The following FARP1 variants were observed in gnomAD, a reference collection of about 807,000 sequenced individuals.
FARP1 encodes the protein FERM, ARH/RhoGEF and pleckstrin domain protein 1.
Under a neutral mutation model 128.8 loss-of-function variants are expected in FARP1, and 52 were observed. The ratio of observed to expected loss-of-function variants is 0.40; its 90% CI spans 0.32 to 0.51. The LOEUF is 0.51. Among genes scored for constraint, FARP1 ranks in the 20% least tolerant of loss-of-function variants. The pLI is 0.45. For synonymous variants in FARP1, 580 were observed against 551.8 expected (o/e 1.05, Z -0.72); for missense variants, 1,333 against 1,367.9 (o/e 0.97, Z 0.40).
intron 18 of FARP1, chr13:98,434,221 CG>C (rs1398683611): frequency 6.6e-6 from 1 of 152,100 alleles, no homozygotes; most frequent in Non-Finnish European, 1.5e-5. Context: ...CACCGGGGGC[CG>C]GGGTGCCATC....
At chr13:98,442,385 G>A (rs1892561058) in intron 24 of FARP1, among the ~76,000 whole-genome samples, 1 of 152,222 alleles carries the variant, frequency 6.6e-6, no homozygotes, top group African/African-American at 2.4e-5. Flanking sequence ...TGAGTTTCCT[G>A]CTACAAGCCG....
chr13:98,361,647 C>T (rs555297524), intron 3 of FARP1, among the ~76,000 whole-genome samples: 1 of 152,272 alleles, frequency 6.6e-6, no homozygotes, highest in African/African-American at 2.4e-5. Context: ...ATCCTCCAGC[C>T]CTCTGATTTT....
At chr13:98,223,726 A>G (rs948916717) in intron 2 of FARP1, among the ~76,000 whole-genome samples, 2 of 152,252 alleles carry the variant, frequency 1.3e-5, no homozygotes, top group African/African-American at 4.8e-5. Flanking sequence ...AACTGGAAGT[A>G]ACAAATGGAA....
At chr13:98,427,139 C>T (rs1243339005) in intron 17 of FARP1, among the ~76,000 whole-genome samples, 1 of 151,926 alleles carries the variant, frequency 6.6e-6, no homozygotes, top group East Asian at 1.9e-4. Context: ...GAACAGTTTC[C>T]CTGCCCTAAA....
At chr13:98,159,054 CA>C (rs1287301173) in intron 1 of FARP1, among the ~76,000 whole-genome samples, 2 of 152,122 alleles carry the variant, frequency 1.3e-5, no homozygotes, top group African/African-American at 4.8e-5. Flanking sequence ...GGTGATCTGC[CA>C]AAACCCATTT....
chr13:98,265,875 C>A (rs956384761), intron 2 of FARP1, among the ~76,000 whole-genome samples: 3 of 152,100 alleles, frequency 2.0e-5, no homozygotes, highest in Non-Finnish European at 4.4e-5. Context: ...ATAAGTGCCA[C>A]CTCCATATGT....
At chr13:98,409,185 A>G (rs1206149243) in intron 13 of FARP1, among the ~76,000 whole-genome samples, 153 bp from the exon 14 acceptor site, 2 of 152,246 alleles carry the variant, frequency 1.3e-5, no homozygotes, top group African/African-American at 4.8e-5. Flanking sequence ...GCTTTGACTT[A>G]GGAAAAAAAC....
chr13:98,344,542 G>GA (rs1489593423), intron 3 of FARP1, among the ~76,000 whole-genome samples: 5 of 152,220 alleles, frequency 3.3e-5, no homozygotes, highest in African/African-American at 9.7e-5. Context: ...GGCAGTGCCA[G>GA]AAGGTGTATT....
Position 98,176,910 on chromosome 13 carries a change from C to T in FARP1, c.-24+33418C>T. On this transcript the variant is annotated intron_variant, in intron 1 of 26. Coordinates refer to ENST00000319562, the MANE Select transcript of FARP1 (RefSeq NM_005766.4). The surrounding 1 kb of genome is among the most constrained non-coding windows in gnomAD (Gnocchi z 6.2). ...TGTCCTGCTCGAAGTCAGCGGTGGC[C>T]CCCATGTCCTCTGGCCCCACAGGCT... The T allele has an allele frequency of 2.5e-6, 4 of 1,605,492 alleles. No individual in the cohort carries two copies. The highest frequency in any genetic ancestry group is 3.4e-6 in the Non-Finnish European group (4 of 1,179,954).
chr13:98,371,918 TGTTAAAC>T (rs1421550149), intron 5 of FARP1, among the ~76,000 whole-genome samples: 4 of 152,148 alleles, frequency 2.6e-5, no homozygotes, highest in Non-Finnish European at 5.9e-5. Flanking sequence ...TGCACTCTTT[TGTTAAAC>T]AAGAAGCTGG....
chr13:98,274,150 G>C (rs1013236861), intron 2 of FARP1, among the ~76,000 whole-genome samples: 2 of 152,150 alleles, frequency 1.3e-5, no homozygotes, highest in Non-Finnish European at 2.9e-5. Flanking sequence ...TCCCTATTCA[G>C]ATGTACCTGT....
chr13:98,418,282 GTTT>G (rs561100341), intron 16 of FARP1, among the ~76,000 whole-genome samples: 113 of 141,380 alleles, frequency 8.0e-4, no homozygotes, highest in African/African-American at 3.2e-3. Context: ...TTTGTTTTTT[GTTT>G]TTTTTTTGAG....
chr13:98,245,018 T>C, intron 2 of FARP1: 3 of 1,100,968 alleles, frequency 2.7e-6, no homozygotes, highest in Non-Finnish European at 3.3e-6. Flanking sequence ...ATTCCAGCCA[T>C]AAATTAGACC....
At chr13:98,426,556 A>G (rs7996488) in intron 17 of FARP1, among the ~76,000 whole-genome samples, 68,371 of 152,024 alleles carry the variant, frequency 0.45, 16,585 homozygotes, top group African/African-American at 0.63. Context: ...ATGGTCGGTG[A>G]GTAGCACAGA....
intron 24 of FARP1, among the ~76,000 whole-genome samples, chr13:98,444,534 C>A (rs532291206): frequency 6.6e-6 from 1 of 152,314 alleles, no homozygotes; most frequent in South Asian, 2.1e-4. Flanking sequence ...GGGCAGGAGA[C>A]TCATGGCGCG....
chr13:98,383,270 C>T (rs1327857412), intron 6 of FARP1, among the ~76,000 whole-genome samples: 1 of 152,170 alleles, frequency 6.6e-6, no homozygotes, highest in Non-Finnish European at 1.5e-5. Flanking sequence ...ACCAGGCGTG[C>T]CCCCATTTCT....
intron 2 of FARP1, among the ~76,000 whole-genome samples, chr13:98,271,434 T>A (rs1336014282): frequency 6.6e-6 from 1 of 152,218 alleles, no homozygotes; most frequent in African/African-American, 2.4e-5. Flanking sequence ...GGGATACATG[T>A]GTAGAACGTG....
At chr13:98,342,190 T>C (rs2139870075) in intron 2 of FARP1, among the ~76,000 whole-genome samples, 1 of 152,284 alleles carries the variant, frequency 6.6e-6, no homozygotes, top group South Asian at 2.1e-4. Context: ...ATGTCATATT[T>C]GTGGACAAGG....
chr13:98,273,157 G>A (rs1884465957), intron 2 of FARP1, among the ~76,000 whole-genome samples: 1 of 152,186 alleles, frequency 6.6e-6, no homozygotes, highest in Non-Finnish European at 1.5e-5. Flanking sequence ...TCTTGAGGCA[G>A]GGGCTTATAG....
Sources: allele counts gnomAD v4.1 joint callset (sites outside exome capture counted in the v4.1 genomes callset), GRCh38; gene constraint gnomAD v4.1.1; non-coding constraint Gnocchi (gnomAD v3.1); transcripts MANE v1.5; gene names NCBI Gene and HGNC (gene_info 2026-07-23, HGNC 2026-07-21).